The following ATP10B variants were observed in gnomAD, a reference collection of about 807,000 sequenced individuals.
ATP10B encodes the protein phospholipid-transporting ATPase VB.
In ATP10B, 122 loss-of-function variants were observed where a neutral mutation model predicts 141.2. That is an observed-to-expected ratio of 0.86 (90% confidence interval 0.75 to 1.00). The LOEUF is 1.00. ATP10B is among the 50% of genes least tolerant of loss of function. The pLI, the probability that ATP10B is intolerant of heterozygous loss-of-function variation, is 0.00. For synonymous variants in ATP10B, 685 were observed against 692.0 expected (o/e 0.99, Z 0.16); for missense variants, 1,876 against 1,825.3 (o/e 1.03, Z -0.51).
At position 160,612,876 on chromosome 5, in the gene ATP10B, A is replaced by G; in HGVS notation, c.2703T>C (p.Ile901=). Residue 901 remains isoleucine (I), a synonymous_variant, in exon 18 of 26, where the codon ATT becomes ATC. Transcript: ENST00000327245. ...GGATCCCAGCCTCCCGCAGAGTGGCAATCGTATCTGGAACTCCTTCCTGCA... is the reference window on the plus strand; with the variant it reads ...GGATCCCAGCCTCCCGCAGAGTGGCGATCGTATCTGGAACTCCTTCCTGCA... ...DRLQEGVPDT[I]ATLREAGIQL... The G allele has an allele frequency of 6.2e-7, 1 of 1,613,982 alleles. No individual in the cohort carries two copies. The highest frequency in any genetic ancestry group is 8.5e-7 in the Non-Finnish European group (1 of 1,179,922).
intron 1 of ATP10B, among the ~76,000 whole-genome samples, chr5:160,837,928 C>A (rs1775558890): frequency 6.6e-6 from 1 of 152,116 alleles, no homozygotes; most frequent in African/African-American, 2.4e-5. Flanking sequence ...TTATTGGAAG[C>A]AAATTCTTTG....
At chr5:160,744,895 C>A (rs1767700821) in intron 2 of ATP10B, among the ~76,000 whole-genome samples, 1 of 152,198 alleles carries the variant, frequency 6.6e-6, no homozygotes, top group South Asian at 2.1e-4. Flanking sequence ...TCAGCTGTTT[C>A]TCATGTGGGC....
chr5:160,594,757 G>C (rs1756564373), intron 22 of ATP10B, among the ~76,000 whole-genome samples: 1 of 151,624 alleles, frequency 6.6e-6, no homozygotes, highest in Non-Finnish European at 1.5e-5. Flanking sequence ...TGATAAAACA[G>C]ACTTTAAACC....
intron 2 of ATP10B, among the ~76,000 whole-genome samples, chr5:160,741,878 C>T (rs1767506863): frequency 6.6e-6 from 1 of 152,174 alleles, no homozygotes; most frequent in African/African-American, 2.4e-5. Flanking sequence ...TCCAAATAAT[C>T]ACTATCTTCA....
rs186085343 is a variant in ATP10B at position 160,582,392 on chromosome 5, C to T, written c.3750+7200G>A. 5.9e-3 allele frequency among the ~76,000 whole-genome samples: 896 copies of T among 152,236 alleles called. 14 individuals carry two copies. The highest frequency in any genetic ancestry group is 0.021 in the African/African-American group (858 of 41,542). ...GCTTGTCGTAAAGGATTTTATTTCT[C>T]CTTTGCTTATGAAGCTTAGTTTGGC... On this transcript the variant is annotated intron_variant, in intron 24 of 25. Transcript: ENST00000327245.
At position 160,617,904 on chromosome 5, in the gene ATP10B, T is replaced by C. The variant is rs770271912; in HGVS notation, c.2486A>G (p.Tyr829Cys). ...TAGTGTGCGCAGGCCATCTCTTGCA[T>C]ACAAGTCTAGATGCTTTTGGGTCCG... ...RARTQKHLDL[Y>C]ARDGLRTLCI... The change falls in exon 16 of 26, where the codon TAT becomes TGT. Residue 829 changes from tyrosine to cysteine, a missense_variant. Tyr to Cys is a radical substitution (Grantham distance 194). Coordinates refer to ENST00000327245, the MANE Select transcript of ATP10B (RefSeq NM_025153.3). The C allele has an allele frequency of 6.2e-7, 1 of 1,614,204 alleles. No homozygotes were observed. Among genetic ancestry groups the C allele is most frequent in the Non-Finnish European group, 8.5e-7 (1 of 1,179,992 alleles).
chr5:160,602,607 C>G lies in ATP10B; in HGVS notation c.3333G>C (p.Arg1111Ser). ...HGHWCYSRLA[R>S]MVVYYLYKNV... Reference sequence around the variant, plus strand: ...TCTTGTAGAGGTAGTACACCACCATCCTGGCCAGGCGCGAGTAACACCAGT... The same window carrying G: ...TCTTGTAGAGGTAGTACACCACCATGCTGGCCAGGCGCGAGTAACACCAGT... Residue 1111 changes from arginine to serine, a missense_variant, in exon 21 of 26, where the codon AGG becomes AGC. Arg to Ser is a moderately radical substitution (Grantham distance 110). Transcript: ENST00000327245. 1.9e-6 allele frequency: 3 copies of G among 1,614,046 alleles called. No individual in the cohort carries two copies. Among genetic ancestry groups the G allele is most frequent in the Non-Finnish European group, 2.5e-6 (3 of 1,179,930 alleles).
At chr5:160,709,092 G>A (rs754819236) in intron 3 of ATP10B, among the ~76,000 whole-genome samples, 47 of 152,090 alleles carry the variant, frequency 3.1e-4, no homozygotes, top group Non-Finnish European at 6.5e-4. Flanking sequence ...ACAAAAACTT[G>A]TTTCTACTTC....
At chr5:160,862,288 T>C in the ATP10B span, among the ~76,000 whole-genome samples, 3 of 151,880 alleles carry the variant, frequency 2.0e-5, no homozygotes, top group South Asian at 2.1e-4. Context: ...TTCAATCGGT[T>C]AAAAGGTCAC....
At chr5:160,604,773 A>G (rs1317509234) in intron 19 of ATP10B, among the ~76,000 whole-genome samples, 1 of 152,236 alleles carries the variant, frequency 6.6e-6, no homozygotes, top group African/African-American at 2.4e-5. Context: ...AGATCTTTCC[A>G]TGATGAGGGA....
intron 1 of ATP10B, among the ~76,000 whole-genome samples, chr5:160,801,771 A>G (rs1772382675): frequency 6.6e-6 from 1 of 152,188 alleles, no homozygotes; most frequent in Non-Finnish European, 1.5e-5. Flanking sequence ...CCAGTTAATG[A>G]GACAGAATCG....
chr5:160,607,009 CT>C lies in ATP10B; in HGVS notation c.2915del (p.Lys972SerfsTer32). ...TGGAAGGTAAGCGGAATCCAAAGAG[CT>C]TGCGGTCTGGCTTCTGTAGTTCACG... is the stretch of plus-strand genomic sequence containing the variant. ...QFRELQKPDR[K>X]LFGFRLPSKT... On this transcript the variant is annotated frameshift_variant, in exon 19 of 26. Coordinates refer to ENST00000327245, the MANE Select transcript of ATP10B (RefSeq NM_025153.3). LOFTEE classifies it high-confidence loss of function. 2 of 1,614,156 alleles carry C rather than the reference CT, an allele frequency of 1.2e-6. No homozygotes were observed. The highest frequency in any genetic ancestry group is 1.1e-5 in the South Asian group (1 of 91,082).
chr5:160,752,430 C>T (rs1768221975), intron 2 of ATP10B, among the ~76,000 whole-genome samples: 1 of 152,146 alleles, frequency 6.6e-6, no homozygotes, highest in Admixed American at 6.5e-5. Flanking sequence ...CAAGGACTCC[C>T]TCTCAAAGAT....
the ATP10B span, among the ~76,000 whole-genome samples, chr5:160,876,356 T>C: frequency 6.8e-6 from 1 of 147,592 alleles, no homozygotes; most frequent in East Asian, 2.0e-4. Context: ...AGACACAACA[T>C]ACCAGGATCT....
intron 1 of ATP10B, among the ~76,000 whole-genome samples, chr5:160,828,461 C>T (rs1774803403): frequency 6.6e-6 from 1 of 152,142 alleles, no homozygotes; most frequent in Admixed American, 6.5e-5. Context: ...AAAAAATGCT[C>T]ATCATCACTA....
chr5:160,855,946 T>C (rs1366479498), upstream of ATP10B, among the ~76,000 whole-genome samples: 1 of 151,896 alleles, frequency 6.6e-6, no homozygotes, highest in Non-Finnish European at 1.5e-5. Flanking sequence ...TTCTCCATTG[T>C]TTATACCCCT....
chr5:160,827,196 A>G (rs917651388), intron 1 of ATP10B, among the ~76,000 whole-genome samples: 1 of 152,208 alleles, frequency 6.6e-6, no homozygotes, highest in Admixed American at 6.5e-5. Flanking sequence ...GCCCAGCTGT[A>G]AAATTCCTCT....
rs80109324 is a variant in ATP10B at position 160,824,720 on chromosome 5, G to A, written c.-576+27221C>T. ...TGTATATCTAAACATAAAACAGGAA[G>A]AGTAAAAATATATATTGTAATATTG... On this transcript the variant is annotated intron_variant, in intron 1 of 25. Coordinates refer to ENST00000327245, the MANE Select transcript of ATP10B (RefSeq NM_025153.3). Among the ~76,000 whole-genome samples the A allele has an allele frequency of 3.1e-4, 47 of 150,716 alleles. 1 individual carries two copies. In the East Asian group the frequency reaches 9.1e-3, roughly 29 times the overall value.
intron 2 of ATP10B, among the ~76,000 whole-genome samples, chr5:160,748,406 G>A (rs1189017905): frequency 6.6e-6 from 1 of 152,086 alleles, no homozygotes; most frequent in Non-Finnish European, 1.5e-5. Context: ...ATTTTTAAAT[G>A]AGCCCAGGAC....
Sources: allele counts gnomAD v4.1 joint callset (sites outside exome capture counted in the v4.1 genomes callset), GRCh38; gene constraint gnomAD v4.1.1; transcripts MANE v1.5; gene names NCBI Gene and HGNC (gene_info 2026-07-23, HGNC 2026-07-21).